Variants in NRCAM observed in about 807,000 individuals in gnomAD.
NRCAM encodes the protein NgCAM-related cell adhesion molecule.
Under a neutral mutation model 156.5 loss-of-function variants are expected in NRCAM, and 83 were observed. The ratio of observed to expected loss-of-function variants is 0.53; its 90% CI spans 0.44 to 0.64. The LOEUF (loss-of-function observed/expected upper bound fraction) is 0.64. Among genes scored for constraint, NRCAM ranks in the 30% least tolerant of loss-of-function variants. The pLI is 0.00. For synonymous variants in NRCAM, 538 were observed against 563.9 expected (o/e 0.95, Z 0.65); for missense variants, 1,417 against 1,597.3 (o/e 0.89, Z 1.92).
chr7:108,313,925 A>C (rs141273029), intron 2 of NRCAM, among the ~76,000 whole-genome samples: 257 of 152,318 alleles, frequency 1.7e-3, no homozygotes, highest in African/African-American at 5.7e-3. Flanking sequence ...TCACTGGATA[A>C]ATCTAAACAA....
At chr7:108,377,024 G>A (rs1227565198) in intron 2 of NRCAM, among the ~76,000 whole-genome samples, 3 of 145,170 alleles carry the variant, frequency 2.1e-5, no homozygotes, top group Non-Finnish European at 3.1e-5. Context: ...AAATTAGCTA[G>A]GTGTTGTGAT....
intron 2 of NRCAM, among the ~76,000 whole-genome samples, chr7:108,336,823 TAC>T (rs1467936107): frequency 5.3e-5 from 8 of 152,154 alleles, no homozygotes; most frequent in African/African-American, 1.9e-4. Flanking sequence ...AGTAAATAAC[TAC>T]AGTTAAATAG....
chr7:108,405,520 G>A (rs1228408187), intron 1 of NRCAM, among the ~76,000 whole-genome samples: 4 of 152,216 alleles, frequency 2.6e-5, no homozygotes, highest in African/African-American at 9.6e-5. Context: ...GCACAGAGAA[G>A]TCTAGTGACA....
At chr7:108,364,873 C>T (rs567341845) in intron 2 of NRCAM, among the ~76,000 whole-genome samples, 2 of 152,218 alleles carry the variant, frequency 1.3e-5, no homozygotes, top group South Asian at 4.1e-4. Flanking sequence ...GGGAACATAG[C>T]TTCTTTTGGA....
At chr7:108,217,982 C>T (rs2090236093) in intron 11 of NRCAM, among the ~76,000 whole-genome samples, 1 of 152,164 alleles carries the variant, frequency 6.6e-6, no homozygotes. Flanking sequence ...AAAACTCCTG[C>T]AGCTAGCTCG....
intron 11 of NRCAM, among the ~76,000 whole-genome samples, chr7:108,218,173 TGGG>T (rs34435583): frequency 5.2e-4 from 62 of 118,652 alleles, no homozygotes; most frequent in African/African-American, 1.6e-3. Flanking sequence ...TTCCCTTGGC[TGGG>T]GGGGGGGGGG....
At chr7:108,264,825 C>T (rs1203532527) in intron 3 of NRCAM, among the ~76,000 whole-genome samples, 1 of 152,120 alleles carries the variant, frequency 6.6e-6, no homozygotes, top group African/African-American at 2.4e-5. Flanking sequence ...TTTCCAATTC[C>T]ACGTGTTTTG....
intron 8 of NRCAM, among the ~76,000 whole-genome samples, chr7:108,230,248 T>C (rs528345045): frequency 1.2e-4 from 14 of 119,356 alleles, no homozygotes; most frequent in African/African-American, 4.5e-4. Flanking sequence ...CCCCAGTAAA[T>C]CCTGGAGGCT....
chr7:108,445,000 C>A (rs188923541), intron 1 of NRCAM, among the ~76,000 whole-genome samples: 1 of 152,200 alleles, frequency 6.6e-6, no homozygotes, highest in Non-Finnish European at 1.5e-5. Flanking sequence ...ACAAGCCACA[C>A]TGCATGTATC....
chr7:108,176,803 C>G, intron 26 of NRCAM, 197 bp from the exon 27 acceptor site: 1 of 503,228 alleles, frequency 2.0e-6, no homozygotes, highest in Non-Finnish European at 3.5e-6. Flanking sequence ...CGTATCATAT[C>G]ATATCATATC....
chr7:108,208,828 T>C (rs2082501818), intron 12 of NRCAM, among the ~76,000 whole-genome samples: 1 of 152,186 alleles, frequency 6.6e-6, no homozygotes, highest in Non-Finnish European at 1.5e-5. Context: ...GAATATATGA[T>C]ATCAAACATG....
At chr7:108,213,521 G>A (rs900597510) in intron 11 of NRCAM, among the ~76,000 whole-genome samples, 1 of 152,118 alleles carries the variant, frequency 6.6e-6, no homozygotes, top group Non-Finnish European at 1.5e-5. Flanking sequence ...GCCTTCAGGA[G>A]ACTCACCTAA....
chr7:108,418,468 T>C (rs973464553), intron 1 of NRCAM, among the ~76,000 whole-genome samples: 1 of 151,956 alleles, frequency 6.6e-6, no homozygotes, highest in Non-Finnish European at 1.5e-5. Context: ...TGACTTGAAG[T>C]GGTCAGCACC....
At position 108,337,935 on chromosome 7, in the gene NRCAM, C is replaced by T. The variant is rs185545605; in HGVS notation, c.-173-25204G>A. On this transcript the variant is annotated intron_variant, in intron 2 of 32. Transcript: ENST00000379028. ...CCTTCCTTAGAATTGGAGGAAAATA[C>T]CGGACACCTGTCGGCCGGTTAAAAA... 5.9e-5 allele frequency among the ~76,000 whole-genome samples: 9 copies of T among 152,312 alleles called. No individual in the cohort carries two copies. The East Asian group carries it at 1.7e-3, about 29-fold the overall frequency.
chr7:108,174,194 G>A (rs904903067), intron 28 of NRCAM, among the ~76,000 whole-genome samples: 5 of 152,220 alleles, frequency 3.3e-5, no homozygotes, highest in South Asian at 4.1e-4. Flanking sequence ...TTACAACTTC[G>A]TCAAGTCTAA....
At chr7:108,422,827 A>G (rs1362895670) in intron 1 of NRCAM, among the ~76,000 whole-genome samples, 1 of 152,170 alleles carries the variant, frequency 6.6e-6, no homozygotes, top group East Asian at 1.9e-4. Flanking sequence ...TCCAATGAGG[A>G]GCAATTCAGC....
intron 20 of NRCAM, among the ~76,000 whole-genome samples, chr7:108,185,062 G>A (rs1438787623): frequency 6.6e-6 from 1 of 151,930 alleles, no homozygotes; most frequent in Middle Eastern, 3.2e-3. Flanking sequence ...TTTCATAATA[G>A]GATAAATTAA....
chr7:108,357,011 A>G (rs1329248289), intron 2 of NRCAM, among the ~76,000 whole-genome samples: 4 of 152,192 alleles, frequency 2.6e-5, no homozygotes. Context: ...GGATACAACT[A>G]GAAGACCGCT....
intron 3 of NRCAM, among the ~76,000 whole-genome samples, chr7:108,257,239 G>A (rs954501332): frequency 1.3e-5 from 2 of 152,176 alleles, no homozygotes; most frequent in Non-Finnish European, 2.9e-5. Context: ...AACTTTGTCA[G>A]TCGACAGTCA....
Sources: gnomAD v4.1 joint callset for allele counts (sites outside exome capture counted in the v4.1 genomes callset) on GRCh38, gnomAD v4.1.1 for gene constraint, MANE v1.5 for transcripts, NCBI Gene and HGNC (gene_info 2026-07-23, HGNC 2026-07-21) for gene names.